Variants in ASIC2 observed in about 807,000 individuals in gnomAD.
ASIC2 encodes acid-sensing ion channel 2.
ASIC2 carries 25 observed loss-of-function variants against 57.3 expected under a neutral mutation model. That is an observed-to-expected ratio of 0.44 (90% CI 0.32 to 0.61). ASIC2 has a LOEUF of 0.61. Among genes scored for constraint, ASIC2 ranks in the 20% least tolerant of loss-of-function variants. ASIC2 has a pLI of 0.06. For missense variants in ASIC2, 641 were observed against 738.1 expected (o/e 0.87, Z 1.52); for synonymous variants, 319 against 307.5 (o/e 1.04, Z -0.39).
At chr17:33,130,771 G>A (rs1292479137) in intron 1 of ASIC2, among the ~76,000 whole-genome samples, 1 of 152,220 alleles carries the variant, frequency 6.6e-6, no homozygotes, top group African/African-American at 2.4e-5. Flanking sequence ...CCTCATTCCA[G>A]ATCACAGGAG....
intron 3 of ASIC2, among the ~76,000 whole-genome samples, chr17:33,058,173 A>G (rs568070384): frequency 4.6e-5 from 7 of 152,242 alleles, no homozygotes; most frequent in Non-Finnish European, 7.4e-5. Context: ...TTTACAGAGT[A>G]TTTTCATATA....
intron 1 of ASIC2, among the ~76,000 whole-genome samples, chr17:33,906,285 G>T (rs988788434): frequency 2.0e-5 from 3 of 152,176 alleles, no homozygotes; most frequent in Non-Finnish European, 1.5e-5. Context: ...CAACCAGAAG[G>T]CTAACAGCCT....
intron 1 of ASIC2, among the ~76,000 whole-genome samples, chr17:33,557,605 C>A (rs749239148): frequency 2.0e-5 from 3 of 152,104 alleles, no homozygotes; most frequent in Non-Finnish European, 4.4e-5. Flanking sequence ...AGAAGATGAG[C>A]CTTAGAATTC....
At chr17:33,041,690 C>A (rs978785442) in intron 3 of ASIC2, among the ~76,000 whole-genome samples, 31 of 152,338 alleles carry the variant, frequency 2.0e-4, no homozygotes, top group African/African-American at 6.5e-4. Context: ...CTGCACTCTG[C>A]TGAACCAGGC....
chr17:33,023,792 T>C lies in ASIC2; in HGVS notation c.1349+69A>G. On this transcript the variant is annotated intron_variant, in intron 6 of 9. Coordinates refer to ENST00000225823, the MANE Select transcript of ASIC2 (RefSeq NM_183377.2). ...CAAATGCTTATCTTTGCTTTCCTCC[T>C]TGATTGCCTCCAATTTCCTCCTTAT... 1.9e-6 allele frequency: 3 copies of C among 1,591,486 alleles called. No homozygotes were observed. In the Admixed American group the frequency reaches 5.1e-5, roughly 27 times the overall value.
rs1421776012 is a variant in ASIC2 at position 33,266,673 on chromosome 17, T to C, written c.708+24735A>G. 6.7e-4 allele frequency among the ~76,000 whole-genome samples: 102 copies of C among 151,684 alleles called. 1 individual carries two copies. The highest frequency in any genetic ancestry group is 1.0e-4 in the Non-Finnish European group (7 of 67,946). ...CCCCTTACACGTGCATCCCCGACGT[T>C]TGGAACCAGACACTAAGTGGATGAT... On this transcript the variant is annotated intron_variant, in intron 1 of 9. Coordinates refer to ENST00000225823, the MANE Select transcript of ASIC2 (RefSeq NM_183377.2).
intron 1 of ASIC2, among the ~76,000 whole-genome samples, chr17:33,636,424 G>A (rs1906368001): frequency 6.6e-6 from 1 of 152,118 alleles, no homozygotes; most frequent in Admixed American, 6.5e-5. Context: ...CATGTGTCAG[G>A]ACATCTGGCC....
In ASIC2 at chr17:33,103,598, C is replaced by A. The variant is rs150020204; in HGVS notation, c.859+8319G>T. 5.0e-3 allele frequency among the ~76,000 whole-genome samples: 762 copies of A among 152,256 alleles called. 3 individuals carry two copies. Among genetic ancestry groups the A allele is most frequent in the African/African-American group, 0.018 (738 of 41,546 alleles). ...TGTTGAGGGGGCACTCCTCAAGGGA[C>A]TTCATTCTAGGGTGACCTAACTAGG... On this transcript the variant is annotated intron_variant, in intron 2 of 9. Coordinates refer to ENST00000225823, the MANE Select transcript of ASIC2 (RefSeq NM_183377.2).
chr17:33,276,872 A>C (rs530430400), intron 1 of ASIC2, among the ~76,000 whole-genome samples: 1 of 152,328 alleles, frequency 6.6e-6, no homozygotes, highest in East Asian at 1.9e-4. Context: ...TTATTGTAAC[A>C]GAATAAAATG....
intron 1 of ASIC2, among the ~76,000 whole-genome samples, chr17:33,520,651 T>C (rs1457485821): frequency 6.6e-6 from 1 of 152,216 alleles, no homozygotes; most frequent in Admixed American, 6.5e-5. Context: ...GCTGATCCCC[T>C]TACCCACGGA....
At position 33,473,462 on chromosome 17, in the gene ASIC2, G is replaced by A. The variant is rs1028537436; in HGVS notation, c.556-361395C>T. On this transcript the variant is annotated intron_variant, in intron 1 of 9. Coordinates refer to the ASIC2 transcript ENST00000359872. Reference sequence around the variant, plus strand: ...CAAGGCACCCCCTGAGCCAAGAAATGCCAGCCTTTGGAGGCGGGGACTTGG... The same window carrying A: ...CAAGGCACCCCCTGAGCCAAGAAATACCAGCCTTTGGAGGCGGGGACTTGG... Among the ~76,000 whole-genome samples the A allele has an allele frequency of 2.6e-5, 4 of 151,722 alleles. No individual in the cohort carries two copies. In the East Asian group the frequency reaches 7.8e-4, roughly 30 times the overall value.
At chr17:33,648,800 A>T (rs572260291) in intron 1 of ASIC2, among the ~76,000 whole-genome samples, 6 of 152,342 alleles carry the variant, frequency 3.9e-5, no homozygotes, top group Admixed American at 3.9e-4. Flanking sequence ...ATTTTAGGAA[A>T]AGTCATGTTT....
chr17:33,096,813 A>G (rs4072512), intron 2 of ASIC2, among the ~76,000 whole-genome samples: 16,067 of 152,208 alleles, frequency 0.11, 1,046 homozygotes, highest in Non-Finnish European at 0.15. Flanking sequence ...GATCCGGGAG[A>G]AAGTGTTCCA....
upstream of ASIC2, among the ~76,000 whole-genome samples, chr17:33,294,249 G>A: frequency 6.6e-6 from 1 of 152,180 alleles, no homozygotes; most frequent in East Asian, 1.9e-4. Context: ...AGAATTTGGT[G>A]GTGGAGGCAG....
chr17:33,837,412 TA>T (rs1322844812), intron 1 of ASIC2, among the ~76,000 whole-genome samples: 1 of 152,230 alleles, frequency 6.6e-6, no homozygotes, highest in African/African-American at 2.4e-5. Flanking sequence ...ATGGTATAGA[TA>T]CCCAGATAGA....
intron 1 of ASIC2, among the ~76,000 whole-genome samples, chr17:33,141,024 G>A (rs2092385677): frequency 6.6e-6 from 1 of 152,244 alleles, no homozygotes; most frequent in Admixed American, 6.5e-5. Flanking sequence ...TGGGGGCTCT[G>A]AGTTGCAGCT....
At chr17:33,261,557 AC>A (rs1909281188) in intron 1 of ASIC2, among the ~76,000 whole-genome samples, 1 of 152,174 alleles carries the variant, frequency 6.6e-6, no homozygotes, top group African/African-American at 2.4e-5. Flanking sequence ...AGAAGGGGAG[AC>A]AGTCACACAA....
chr17:33,959,924 C>G (rs754703813), intron 1 of ASIC2, among the ~76,000 whole-genome samples: 8 of 152,224 alleles, frequency 5.3e-5, no homozygotes, highest in Non-Finnish European at 1.2e-4. Context: ...CCTCAATTTT[C>G]TAGTGATAGA....
At chr17:33,981,564 C>G (rs971898938) in intron 1 of ASIC2, among the ~76,000 whole-genome samples, 10 of 151,660 alleles carry the variant, frequency 6.6e-5, no homozygotes, top group African/African-American at 2.2e-4. Flanking sequence ...GTCTTTTGGG[C>G]TCTCAAATGT....
Sources: allele counts gnomAD v4.1 joint callset (sites outside exome capture counted in the v4.1 genomes callset), GRCh38; gene constraint gnomAD v4.1.1; transcripts MANE v1.5; gene names NCBI Gene and HGNC (gene_info 2026-07-23, HGNC 2026-07-21).